USP38: variants seen among roughly 807,000 people sequenced by gnomAD.
USP38 encodes ubiquitin specific peptidase 38, also known as ubiquitin carboxyl-terminal hydrolase 38.
USP38 carries 49 observed loss-of-function variants against 94.3 expected under a neutral mutation model. The observed-to-expected ratio is 0.52, with a 90% CI of 0.41 to 0.66. The LOEUF (loss-of-function observed/expected upper bound fraction) is 0.66. Among genes scored for constraint, USP38 ranks in the 30% least tolerant of loss-of-function variants. USP38 has a pLI of 0.00. For synonymous variants in USP38, 468 were observed against 463.6 expected (o/e 1.01, Z -0.12); for missense variants, 1,128 against 1,229.4 (o/e 0.92, Z 1.23).
intron 2 of USP38, among the ~76,000 whole-genome samples, chr4:143,193,162 A>G (rs994724082): frequency 2.0e-5 from 3 of 152,234 alleles, no homozygotes; most frequent in East Asian, 3.9e-4. Flanking sequence ...ATTTACATAT[A>G]TATTCACATG....
rs146790404 is a variant in USP38, at chr4:143,191,500, A to T, written c.818+3539A>T. Among the ~76,000 whole-genome samples, 52 of 152,364 alleles carry T rather than the reference A, an allele frequency of 3.4e-4. No homozygotes were observed. The South Asian group carries it at 4.3e-3, about 13-fold the overall frequency. Reference sequence around the variant, plus strand: ...ACAAATAAAAGGGAAGGCTGCCTATAGCCCACAAGCTGCCATGTAAAAATG... The same window carrying T: ...ACAAATAAAAGGGAAGGCTGCCTATTGCCCACAAGCTGCCATGTAAAAATG... On this transcript the variant is annotated intron_variant, in intron 2 of 9. Coordinates refer to ENST00000307017, the MANE Select transcript of USP38 (RefSeq NM_032557.6).
chr4:143,216,105 G>T (rs547652873), intron 9 of USP38, among the ~76,000 whole-genome samples: 22 of 152,132 alleles, frequency 1.4e-4, no homozygotes, highest in African/African-American at 5.3e-4. Flanking sequence ...CCAAATGCTT[G>T]TATAGCCATA....
In USP38 at chr4:143,203,979, C is replaced by CT. The variant is rs554930038; in HGVS notation, c.1209+427dup. Among the ~76,000 whole-genome samples the CT allele has an allele frequency of 2.9e-3, 418 of 144,128 alleles. 5 individuals carry two copies. The highest frequency in any genetic ancestry group is 0.021 in the South Asian group (93 of 4,486). 94.6% of individuals were successfully genotyped at this position (144,128 alleles called of 152,430 possible). A position where few individuals can be genotyped will look rare whatever the true frequency, so the allele number is the denominator to read the frequency against. ...ACTTTGATTTCTTCCCCTTTTTAAT[C>CT]TTTTTTTTTTTTTTCTTCTTGAGAC... On this transcript the variant is annotated intron_variant, in intron 5 of 9. Coordinates refer to ENST00000307017, the MANE Select transcript of USP38 (RefSeq NM_032557.6).
Position 143,223,439 on chromosome 4 carries a change from C to A in USP38, c.*2983C>A, listed in dbSNP as rs758918023. On this transcript the variant is annotated 3_prime_UTR_variant, in exon 10 of 10. Transcript: ENST00000307017. ...TACATTAATGCACATGTGGAAAGAA[C>A]AAAAATTTTCAAGCTAAGTCTTAAG... The A allele has an allele frequency of 6.6e-6, 1 of 152,066 alleles. No homozygotes were observed. The highest frequency in any genetic ancestry group is 6.6e-5 in the Admixed American group (1 of 15,234). The allele number at this position is 152,066 out of a possible 1,614,324, so 9.4% of individuals were successfully genotyped here. A position where few individuals can be genotyped will look rare whatever the true frequency, so the allele number is the denominator to read the frequency against.
chr4:143,204,999 G>T (rs898415604), intron 5 of USP38, among the ~76,000 whole-genome samples: 1 of 152,128 alleles, frequency 6.6e-6, no homozygotes. Flanking sequence ...TATATTGCTG[G>T]GGTGACACTT....
In USP38 at chr4:143,185,783, G is replaced by A; in HGVS notation, c.333G>A (p.Leu111=). 6.2e-7 allele frequency: 1 copy of A among 1,614,228 alleles called. No homozygotes were observed. Among genetic ancestry groups the A allele is most frequent in the East Asian group, 2.2e-5 (1 of 44,872 alleles). The change falls in exon 1 of 10, where the codon CTG becomes CTA. Residue 111 remains leucine, a synonymous_variant. Transcript: ENST00000307017. ...TCCTGGACTACATTCACAACGGCCT[G>A]AAGCTGATTATGAGCTGTCCGTCGG... is the stretch of plus-strand genomic sequence containing the variant. ...VAILDYIHNG[L]KLIMSCPSVL... is the part of the protein sequence containing the mutation.
intron 1 of USP38, among the ~76,000 whole-genome samples, chr4:143,186,725 C>G (rs1490263666): frequency 6.6e-6 from 1 of 152,038 alleles, no homozygotes; most frequent in Non-Finnish European, 1.5e-5. Context: ...TGTTTTTGTG[C>G]CCATGAACTG....
At position 143,185,754 on chromosome 4, in the gene USP38, G is replaced by A. The variant is rs755611494; in HGVS notation, c.304G>A (p.Ala102Thr). ...CCACTCTCTGGACAGGAAGGATGTA[G>A]CCATCCTGGACTACATTCACAACGG... Reference protein sequence around the residue: ...GYHSLDRKDVAILDYIHNGLK... With the variant: ...GYHSLDRKDVTILDYIHNGLK... The change falls in exon 1 of 10, where the codon GCC becomes ACC. Residue 102 changes from alanine (A) to threonine (T), a missense_variant. Coordinates refer to ENST00000307017, the MANE Select transcript of USP38 (RefSeq NM_032557.6). 2 of 1,614,166 alleles carry A rather than the reference G, an allele frequency of 1.2e-6. No individual in the cohort carries two copies. Among genetic ancestry groups the A allele is most frequent in the South Asian group, 2.2e-5 (2 of 91,074 alleles).
rs1189563895 is a variant in USP38, at chr4:143,222,241, A to G, written c.*1785A>G. On this transcript the variant is annotated 3_prime_UTR_variant, in exon 10 of 10. Transcript: ENST00000307017. The stretch of plus-strand genomic sequence containing the variant: ...GGTCTCTCAAGGATTTTATGTATCA[A>G]GATAATATGTATTGACTTTTTTAAA... 3 of 152,054 alleles carry G rather than the reference A, an allele frequency of 2.0e-5. No homozygotes were observed. Among genetic ancestry groups the G allele is most frequent in the African/African-American group, 7.2e-5 (3 of 41,444 alleles). 9.4% of individuals were successfully genotyped at this position (152,054 alleles called of 1,614,324 possible). A position where few individuals can be genotyped will look rare whatever the true frequency, so the allele number is the denominator to read the frequency against.
chr4:143,206,624 A>AGGT (rs1467276053), intron 6 of USP38, among the ~76,000 whole-genome samples: 1 of 152,210 alleles, frequency 6.6e-6, no homozygotes, highest in African/African-American at 2.4e-5. Flanking sequence ...CAGGAGGCAG[A>AGGT]GGTTGCAGTG....
chr4:143,205,962 GTTAA>G (rs1731853072), intron 5 of USP38, 67 bp from the exon 6 acceptor site: 5 of 1,194,838 alleles, frequency 4.2e-6, no homozygotes, highest in Non-Finnish European at 4.5e-6. Context: ...TCTTAATGGT[GTTAA>G]TTAATTTAAC....
intron 2 of USP38, among the ~76,000 whole-genome samples, chr4:143,194,787 C>T (rs551445890): frequency 1.3e-5 from 2 of 152,234 alleles, no homozygotes; most frequent in South Asian, 2.1e-4. Flanking sequence ...AGATTACAGG[C>T]GTGAGCCACT....
Position 143,206,189 on chromosome 4 carries a change from A to C in USP38, c.1366A>C (p.Met456Leu). 6.2e-7 allele frequency: 1 copy of C among 1,612,784 alleles called. No individual in the cohort carries two copies. Among genetic ancestry groups the C allele is most frequent in the Non-Finnish European group, 8.5e-7 (1 of 1,179,592 alleles). The change falls in exon 6 of 10, where the codon ATG (methionine) becomes CTG (leucine). Residue 456 changes from methionine to leucine, a missense_variant. By Grantham distance (15) the Met-to-Leu change is conservative (BLOSUM62 2). Transcript: ENST00000307017. ...TATTAACCTAGGAAATACATGTTAT[A>C]TGAACAGTGTTATACAAGCCTTGTT... ...GLINLGNTCY[M>L]NSVIQALFMA...
chr4:143,209,625 C>T lies in USP38; in HGVS notation c.1465C>T (p.Gln489Ter). The T allele has an allele frequency of 2.5e-6, 4 of 1,608,878 alleles. No individual in the cohort carries two copies. The highest frequency in any genetic ancestry group is 3.4e-6 in the Non-Finnish European group (4 of 1,176,432). ...GTGCAATTCATTAATGAAAAAATTA[C>T]AGCATCTTTTTGCCTTTCTGGCCCA... is the stretch of plus-strand genomic sequence containing the variant. ...NGCNSLMKKL[Q>*]HLFAFLAHTQ... Residue 489 changes from glutamine to a stop codon, truncating the protein, a stop_gained, in exon 7 of 10, where the codon CAG (glutamine) becomes TAG (stop). Coordinates refer to ENST00000307017, the MANE Select transcript of USP38 (RefSeq NM_032557.6). LOFTEE classifies it high-confidence loss of function.
rs1053634382 is a variant in USP38, at chr4:143,223,610, T to G, written c.*3154T>G. 6.6e-6 allele frequency: 1 copy of G among 152,090 alleles called. No individual in the cohort carries two copies. Among genetic ancestry groups the G allele is most frequent in the African/African-American group, 2.4e-5 (1 of 41,434 alleles). The allele number at this position is 152,090 out of a possible 1,614,324, so 9.4% of individuals were successfully genotyped here. A position where few individuals can be genotyped will look rare whatever the true frequency, so the allele number is the denominator to read the frequency against. Reference sequence around the variant, plus strand: ...GATGCTTATTGTGTGCCCAGCACAGTTTAGGAAAAAAATAATTGGCACTGT... The same window carrying G: ...GATGCTTATTGTGTGCCCAGCACAGGTTAGGAAAAAAATAATTGGCACTGT... On this transcript the variant is annotated 3_prime_UTR_variant, in exon 10 of 10. Transcript: ENST00000307017.
chr4:143,197,534 C>T (rs1731589300), intron 3 of USP38, among the ~76,000 whole-genome samples: 1 of 152,102 alleles, frequency 6.6e-6, no homozygotes, highest in Non-Finnish European at 1.5e-5. Flanking sequence ...GTTGAGTGAA[C>T]TGAATGAATA....
intron 9 of USP38, among the ~76,000 whole-genome samples, chr4:143,219,367 AT>A (rs1376118858): frequency 5.9e-5 from 9 of 152,192 alleles, no homozygotes; most frequent in African/African-American, 2.2e-4. Context: ...AGAGGGAAGA[AT>A]AATAAACTAA....
chr4:143,187,866 G>A lies in USP38; in HGVS notation c.723G>A (p.Val241=), dbSNP rs754396292. 19 of 1,613,114 alleles carry A rather than the reference G, an allele frequency of 1.2e-5. No homozygotes were observed. The change falls in exon 2 of 10, where the codon GTG becomes GTA. Residue 241 remains valine, a synonymous_variant. Transcript: ENST00000307017. ...FEPSVALASL[V]QHIPLQMITV... ...CTTCTGTAGCATTGGCAAGCCTTGT[G>A]CAGCATATTCCTCTTCAGATGATTA...
intron 4 of USP38, among the ~76,000 whole-genome samples, chr4:143,199,873 T>A (rs1731662556): frequency 6.6e-6 from 1 of 152,248 alleles, no homozygotes; most frequent in African/African-American, 2.4e-5. Context: ...GGCTGGATAT[T>A]AGACCTTTGT....
Sources: gnomAD v4.1 joint callset for allele counts (sites outside exome capture counted in the v4.1 genomes callset) on GRCh38, gnomAD v4.1.1 for gene constraint, MANE v1.5 for transcripts, NCBI Gene and HGNC (gene_info 2026-07-23, HGNC 2026-07-21) for gene names.